Variants in MAGI1 observed in about 807,000 individuals in gnomAD.
MAGI1 encodes the protein membrane associated guanylate kinase, WW and PDZ domain containing 1.
In MAGI1, 58 loss-of-function variants were observed where a neutral mutation model predicts 139.9. That is an observed-to-expected ratio of 0.41 (90% CI 0.34 to 0.52). The LOEUF (loss-of-function observed/expected upper bound fraction) is 0.52. Among genes scored for constraint, MAGI1 ranks in the 20% least tolerant of loss-of-function variants. The pLI is 0.12. For missense variants in MAGI1, 1,874 were observed against 1,901.6 expected, an observed-to-expected ratio of 0.99 and a Z score of 0.27; for synonymous variants, 812 against 737.9, an observed-to-expected ratio of 1.10 and a Z score of -1.63.
chr3:65,467,659 C>A (rs985650242), intron 5 of MAGI1, among the ~76,000 whole-genome samples: 3 of 152,212 alleles, frequency 2.0e-5, no homozygotes, highest in African/African-American at 7.2e-5. Context: ...AGGAGGCCAG[C>A]ATCCTGCTAA....
At chr3:65,538,889 G>C (rs891620662) in intron 2 of MAGI1, among the ~76,000 whole-genome samples, 1 of 151,810 alleles carries the variant, frequency 6.6e-6, no homozygotes, top group African/African-American at 2.4e-5. Flanking sequence ...CTGTCAACCA[G>C]AAACACATAC....
intron 1 of MAGI1, among the ~76,000 whole-genome samples, chr3:65,986,565 G>A (rs985057595): frequency 1.3e-5 from 2 of 152,182 alleles, no homozygotes; most frequent in Non-Finnish European, 2.9e-5. Context: ...GGATGCACCC[G>A]ATTTCCTTTT....
intron 1 of MAGI1, among the ~76,000 whole-genome samples, chr3:65,685,620 C>G (rs1331022355): frequency 1.3e-5 from 2 of 152,084 alleles, no homozygotes; most frequent in Non-Finnish European, 2.9e-5. Context: ...TTAGAAGTAG[C>G]AAATAAATAC....
chr3:65,584,296 C>T (rs1312480425), intron 2 of MAGI1, among the ~76,000 whole-genome samples: 1 of 152,010 alleles, frequency 6.6e-6, no homozygotes, highest in East Asian at 1.9e-4. Context: ...CCAAAGTCAG[C>T]AATTTCTTTA....
chr3:65,911,168 G>A (rs902950547), intron 1 of MAGI1, among the ~76,000 whole-genome samples: 1 of 151,822 alleles, frequency 6.6e-6, no homozygotes, highest in Non-Finnish European at 1.5e-5. Flanking sequence ...TGGACATGGT[G>A]GACTTTTGCT....
At chr3:65,532,052 C>T (rs1259991410) in intron 2 of MAGI1, among the ~76,000 whole-genome samples, 1 of 152,094 alleles carries the variant, frequency 6.6e-6, no homozygotes, top group Non-Finnish European at 1.5e-5. Context: ...CCTATAAATC[C>T]GTACAGTTCC....
intron 1 of MAGI1, chr3:65,873,498 A>T (rs1007458238): frequency 1.3e-5 from 2 of 152,198 alleles, no homozygotes; most frequent in African/African-American, 4.8e-5. Flanking sequence ...TTATCTGAGC[A>T]AGGGCTTCAT....
At chr3:65,782,298 G>A (rs966484482) in intron 1 of MAGI1, among the ~76,000 whole-genome samples, 1 of 152,042 alleles carries the variant, frequency 6.6e-6, no homozygotes, top group Non-Finnish European at 1.5e-5. Context: ...TGGCACAGAA[G>A]GATACAACGT....
At chr3:65,688,789 C>A (rs78535859) in intron 1 of MAGI1, among the ~76,000 whole-genome samples, 2,496 of 152,260 alleles carry the variant, frequency 0.016, 79 homozygotes, top group African/African-American at 0.058. Flanking sequence ...CCTCTCTTAA[C>A]TAATACTTAG....
intron 4 of MAGI1, among the ~76,000 whole-genome samples, chr3:65,471,740 T>C (rs905469102): frequency 2.0e-5 from 3 of 152,028 alleles, no homozygotes. Flanking sequence ...ATTTTTGTCT[T>C]TGTTATTAGG....
At chr3:65,549,110 G>A (rs1363980292) in intron 2 of MAGI1, among the ~76,000 whole-genome samples, 2 of 152,184 alleles carry the variant, frequency 1.3e-5, no homozygotes, top group Non-Finnish European at 2.9e-5. Context: ...TCCGGGGCGC[G>A]GGCCGAGATG....
At chr3:65,731,716 G>C (rs2034217653) in intron 1 of MAGI1, among the ~76,000 whole-genome samples, 1 of 150,378 alleles carries the variant, frequency 6.6e-6, no homozygotes, top group Admixed American at 6.6e-5. Context: ...GCATAAATCA[G>C]GCATTTTTAG....
chr3:65,645,098 T>C (rs1351388697), intron 1 of MAGI1, among the ~76,000 whole-genome samples: 1 of 150,498 alleles, frequency 6.6e-6, no homozygotes, highest in Non-Finnish European at 1.5e-5. Context: ...AGACCTAAAA[T>C]TTATGTCACT....
At chr3:65,396,581 G>A (rs557465437) in intron 13 of MAGI1, among the ~76,000 whole-genome samples, 7 of 152,172 alleles carry the variant, frequency 4.6e-5, no homozygotes, top group Non-Finnish European at 8.8e-5. Flanking sequence ...ATATTTGCTT[G>A]GAAGAGCAAA....
At position 65,356,572 on chromosome 3, in the gene MAGI1, T is replaced by TG; in HGVS notation, c.4194dup (p.Thr1399HisfsTer59). ...GGGGAGCGTGCGCGCCTCCGGTCGG[T>TG]GGACTTGGCCCTGCGCTCGGGCGAG... On this transcript the variant is annotated frameshift_variant, in exon 23 of 23. Coordinates refer to ENST00000402939, the MANE Select transcript of MAGI1 (RefSeq NM_001033057.2). LOFTEE classifies it low-confidence loss of function (END_TRUNC). 2 of 1,606,752 alleles carry TG rather than the reference T, an allele frequency of 1.2e-6. No individual in the cohort carries two copies. The highest frequency in any genetic ancestry group is 1.7e-6 in the Non-Finnish European group (2 of 1,178,654).
At chr3:65,984,702 A>AT (rs869295614) in intron 1 of MAGI1, among the ~76,000 whole-genome samples, 8 of 86,372 alleles carry the variant, frequency 9.3e-5, no homozygotes, top group Admixed American at 1.8e-4. Flanking sequence ...TGCCTTGCTA[A>AT]TTTTTTTTTC....
intron 4 of MAGI1, 105 bp from the exon 5 acceptor site, chr3:65,470,589 A>G (rs1182558754): frequency 3.0e-6 from 2 of 657,274 alleles, no homozygotes; most frequent in South Asian, 2.0e-5. Context: ...ATACACATCT[A>G]TATTCTTAAA....
intron 3 of MAGI1, among the ~76,000 whole-genome samples, chr3:65,492,161 G>C (rs190580098): frequency 1.3e-5 from 2 of 152,326 alleles, no homozygotes; most frequent in Admixed American, 1.3e-4. Flanking sequence ...TTTGTAAAGA[G>C]ATACACATAA....
chr3:65,406,683 A>G (rs1238691307), intron 12 of MAGI1, among the ~76,000 whole-genome samples: 1 of 134,686 alleles, frequency 7.4e-6, no homozygotes, highest in African/African-American at 2.5e-5. Context: ...AAATGTTGCA[A>G]TAAAAACTGA....
Sources: gnomAD v4.1 joint callset for allele counts (sites outside exome capture counted in the v4.1 genomes callset) on GRCh38, gnomAD v4.1.1 for gene constraint, MANE v1.5 for transcripts, NCBI Gene and HGNC (gene_info 2026-07-23, HGNC 2026-07-21) for gene names.